Variants in ARHGAP39 observed in about 807,000 individuals in gnomAD.
The protein encoded by ARHGAP39 is rho GTPase-activating protein 39.
ARHGAP39 carries 44 observed loss-of-function variants against 106.9 expected under a neutral mutation model. The ratio of observed to expected loss-of-function variants is 0.41; its 90% CI spans 0.32 to 0.53. The LOEUF (loss-of-function observed/expected upper bound fraction) is 0.53. Ranked by LOEUF, ARHGAP39 falls within the 20% of genes least tolerant of loss-of-function variation. The probability of loss-of-function intolerance (pLI) is 0.21; values close to 1 mark genes in which losing one functional copy is unlikely to be tolerated. For missense variants in ARHGAP39, 1,496 were observed against 1,577.3 expected, an observed-to-expected ratio of 0.95 and a Z score of 0.87; for synonymous variants, 768 against 693.2, an observed-to-expected ratio of 1.11 and a Z score of -1.69.
the ARHGAP39 span, among the ~76,000 whole-genome samples, chr8:144,692,507 C>T: frequency 2.0e-5 from 3 of 152,160 alleles, no homozygotes; most frequent in African/African-American, 7.2e-5. Flanking sequence ...ACTATAAATC[C>T]TCCTCAAAGA....
intron 1 of ARHGAP39, among the ~76,000 whole-genome samples, chr8:144,606,133 C>T (rs535419477): frequency 2.0e-4 from 30 of 152,258 alleles, no homozygotes; most frequent in Non-Finnish European, 3.8e-4. Context: ...AGGCGACACT[C>T]GCCGGCAGTC....
the ARHGAP39 span, among the ~76,000 whole-genome samples, chr8:144,694,867 G>C: frequency 6.6e-6 from 1 of 152,250 alleles, no homozygotes; most frequent in East Asian, 1.9e-4. Context: ...GGTGGGCAGG[G>C]ATGTCGTAGG....
chr8:144,601,586 A>G (rs1327677166), intron 2 of ARHGAP39, among the ~76,000 whole-genome samples: 1 of 79,180 alleles, frequency 1.3e-5, no homozygotes, highest in Non-Finnish European at 2.4e-5. Flanking sequence ...ATGTGCGTGG[A>G]GGTGTGTGTG....
chr8:144,620,653 C>T (rs558312958), intron 1 of ARHGAP39, among the ~76,000 whole-genome samples: 60 of 151,644 alleles, frequency 4.0e-4, no homozygotes, highest in Non-Finnish European at 5.9e-4. Flanking sequence ...TGCCATCTGC[C>T]GAGTTTGCAT....
At chr8:144,660,382 C>T (rs1026057619) in intron 1 of ARHGAP39, among the ~76,000 whole-genome samples, 8 of 152,186 alleles carry the variant, frequency 5.3e-5, no homozygotes, top group African/African-American at 1.9e-4. Flanking sequence ...TCCAAAAAAG[C>T]CAGCCAAGGT....
intron 2 of ARHGAP39, among the ~76,000 whole-genome samples, chr8:144,603,638 T>A (rs1820165894): frequency 6.9e-6 from 1 of 143,940 alleles, no homozygotes; most frequent in South Asian, 2.1e-4. Context: ...TGCATTGAGC[T>A]GAGATCACGC....
At chr8:144,608,664 GT>G (rs1454666475) in intron 1 of ARHGAP39, among the ~76,000 whole-genome samples, 2 of 152,232 alleles carry the variant, frequency 1.3e-5, no homozygotes, top group Admixed American at 1.3e-4. Flanking sequence ...GATTGCAGTT[GT>G]GTTGAATCTA....
chr8:144,601,326 G>A (rs1268689034), intron 2 of ARHGAP39, among the ~76,000 whole-genome samples: 5 of 145,954 alleles, frequency 3.4e-5, no homozygotes, highest in Non-Finnish European at 7.5e-5. Context: ...GTGTGTGGAG[G>A]CGTGTGTGTG....
chr8:144,657,243 T>C (rs760703745), intron 1 of ARHGAP39, among the ~76,000 whole-genome samples: 16 of 148,738 alleles, frequency 1.1e-4, no homozygotes, highest in Non-Finnish European at 2.1e-4. Flanking sequence ...AATAAAACAA[T>C]ATTAATAAAA....
Position 144,547,175 on chromosome 8 carries a change from G to A in ARHGAP39, c.1911C>T (p.Ser637=), listed in dbSNP as rs776391796. 6.2e-6 allele frequency: 10 copies of A among 1,611,566 alleles called. No individual in the cohort carries two copies. Among genetic ancestry groups the A allele is most frequent in the South Asian group, 1.1e-5 (1 of 90,776 alleles). ...CTGGTGAGGCCAGGTTGGTCTGCAC[G>A]GAGACGCTCTTCTCCAGCAGGATCT... ...FPQILLEKSV[S]VQTNLASPEP... is the part of the protein sequence containing the mutation. Residue 637 remains serine, a synonymous_variant, in exon 5 of 12, where the codon TCC becomes TCT. Transcript: ENST00000377307. The surrounding 1 kb of genome is among the most constrained non-coding windows in gnomAD (Gnocchi z 5.2).
chr8:144,639,341 AG>A (rs1390868179), intron 1 of ARHGAP39, among the ~76,000 whole-genome samples: 16 of 141,414 alleles, frequency 1.1e-4, no homozygotes, highest in Admixed American at 9.0e-4. Flanking sequence ...AAAAAAAAAA[AG>A]AAAGAAAGAA....
In ARHGAP39 at chr8:144,576,735, G is replaced by T. The variant is rs534868233; in HGVS notation, c.512+4111C>A. 9.7e-4 allele frequency among the ~76,000 whole-genome samples: 148 copies of T among 152,338 alleles called. 1 individual carries two copies. Among genetic ancestry groups the T allele is most frequent in the South Asian group, 1.2e-3 (6 of 4,824 alleles). ...TCTGTTCAGTGAGAGGAAGCCGGAG[G>T]TTCCAGCGCAGCAGCACAGCACAGG... On this transcript the variant is annotated intron_variant, in intron 3 of 11. Coordinates refer to ENST00000377307, the MANE Select transcript of ARHGAP39 (RefSeq NM_025251.3).
intron 1 of ARHGAP39, among the ~76,000 whole-genome samples, chr8:144,673,330 C>A (rs1458613012): frequency 2.0e-5 from 3 of 152,184 alleles, no homozygotes; most frequent in African/African-American, 7.2e-5. Flanking sequence ...CCTTCTGACT[C>A]TCACCTTGGA....
At chr8:144,623,182 C>T (rs960630003) in intron 1 of ARHGAP39, among the ~76,000 whole-genome samples, 2 of 152,200 alleles carry the variant, frequency 1.3e-5, no homozygotes, top group East Asian at 1.9e-4. Flanking sequence ...TTAGAACATC[C>T]GAGGCAACCA....
At chr8:144,650,061 T>G (rs566071903) in intron 1 of ARHGAP39, among the ~76,000 whole-genome samples, 2 of 151,836 alleles carry the variant, frequency 1.3e-5, no homozygotes, top group Non-Finnish European at 1.5e-5. Context: ...GAGAATTTCT[T>G]GAACCCAGGA....
At chr8:144,534,508 C>T (rs1016189371) in intron 7 of ARHGAP39, among the ~76,000 whole-genome samples, 1 of 152,184 alleles carries the variant, frequency 6.6e-6, no homozygotes, top group African/African-American at 2.4e-5. Flanking sequence ...GGCCTCTAGA[C>T]CCCACTGCTC....
intron 1 of ARHGAP39, among the ~76,000 whole-genome samples, chr8:144,661,042 G>A (rs116156380): frequency 0.021 from 3,184 of 152,190 alleles, 131 homozygotes; most frequent in African/African-American, 0.073. Flanking sequence ...TCAGGAGACT[G>A]AGGCAGGAGG....
At chr8:144,544,224 G>A (rs565731424) in intron 6 of ARHGAP39, among the ~76,000 whole-genome samples, 2 of 152,376 alleles carry the variant, frequency 1.3e-5, no homozygotes, top group South Asian at 2.1e-4. Flanking sequence ...AACAGCTGAT[G>A]GGCTGGGTGG....
rs779442641 is a variant in ARHGAP39, at chr8:144,609,397, CTTT to C, written c.-81-3705_-81-3703del. ...TGCCAATTGGTCACGATGTATTGTC[CTTT>C]TTTTTTTTTTTTTTTTTTTGAGACG... On this transcript the variant is annotated intron_variant, in intron 1 of 11. Transcript: ENST00000377307. Among the ~76,000 whole-genome samples the C allele has an allele frequency of 4.9e-5, 6 of 121,328 alleles. No homozygotes were observed. In the East Asian group the frequency reaches 1.3e-3, roughly 27 times the overall value. The allele number at this position is 121,328 out of a possible 152,430, so 79.6% of individuals were successfully genotyped here. A position where few individuals can be genotyped will look rare whatever the true frequency, so the allele number is the denominator to read the frequency against.
Sources: gnomAD v4.1 joint callset for allele counts (sites outside exome capture counted in the v4.1 genomes callset) on GRCh38, gnomAD v4.1.1 for gene constraint, Gnocchi (gnomAD v3.1) non-coding constraint, MANE v1.5 for transcripts, NCBI Gene and HGNC (gene_info 2026-07-23, HGNC 2026-07-21) for gene names.